The following TBC1D22A variants were observed in gnomAD, a reference collection of about 807,000 sequenced individuals.
TBC1D22A encodes putative GTPase activator.
A neutral mutation model predicts 60.2 loss-of-function variants in TBC1D22A; 38 were observed. That is an observed-to-expected ratio of 0.63 (90% CI 0.49 to 0.83). The LOEUF is 0.83. Among genes scored for constraint, TBC1D22A ranks in the 40% least tolerant of loss-of-function variants. TBC1D22A has a pLI of 0.00. For missense variants in TBC1D22A, 628 were observed against 701.0 expected, an observed-to-expected ratio of 0.90 and a Z score of 1.18; for synonymous variants, 302 against 281.7, an observed-to-expected ratio of 1.07 and a Z score of -0.72.
rs11913361 is a variant in TBC1D22A at position 46,880,608 on chromosome 22, G to T, written c.708+1885G>T. On this transcript the variant is annotated intron_variant, in intron 5 of 12. Coordinates refer to ENST00000337137, the MANE Select transcript of TBC1D22A (RefSeq NM_014346.5). ...GGAGGTCGGGTGCTGCAGACTTGTGGTGGGACAGTGGTGGTGGAGGCCAGA... is the reference window on the plus strand; with the variant it reads ...GGAGGTCGGGTGCTGCAGACTTGTGTTGGGACAGTGGTGGTGGAGGCCAGA... 4.3e-3 allele frequency among the ~76,000 whole-genome samples: 656 copies of T among 152,266 alleles called. 5 individuals are homozygous for T. Among genetic ancestry groups the T allele is most frequent in the African/African-American group, 0.015 (622 of 41,528 alleles).
chr22:47,103,302 G>A (rs891529847), intron 11 of TBC1D22A, among the ~76,000 whole-genome samples: 1 of 152,206 alleles, frequency 6.6e-6, no homozygotes, highest in Admixed American at 6.5e-5. Flanking sequence ...CATGTGCCGC[G>A]GAGACATGGC....
intron 12 of TBC1D22A, among the ~76,000 whole-genome samples, chr22:47,171,249 G>A (rs1171472782): frequency 3.9e-5 from 6 of 152,322 alleles, no homozygotes; most frequent in Admixed American, 2.0e-4. Context: ...GCTGGGCTGC[G>A]TTTTCTCGAG....
rs573607101 is a variant in TBC1D22A at position 47,141,659 on chromosome 22, C to A, written c.1425+30056C>A. ...CACTCTGAAGCAGGGCACCATGATT[C>A]TGTAAGGAAATGAGATTTGAGCCAC... On this transcript the variant is annotated intron_variant, in intron 12 of 12. Coordinates refer to ENST00000337137, the MANE Select transcript of TBC1D22A (RefSeq NM_014346.5). Among the ~76,000 whole-genome samples the A allele has an allele frequency of 7.2e-5, 11 of 152,318 alleles. No individual in the cohort carries two copies. The South Asian group carries it at 1.0e-3, about 14-fold the overall frequency.
chr22:46,790,921 C>G (rs191212038), intron 1 of TBC1D22A, among the ~76,000 whole-genome samples: 1 of 152,246 alleles, frequency 6.6e-6, no homozygotes, highest in East Asian at 1.9e-4. Flanking sequence ...TTTGTAATCA[C>G]TATATTATTT....
chr22:46,946,181 C>G lies in TBC1D22A; in HGVS notation c.1016-28109C>G, dbSNP rs187307039. Among the ~76,000 whole-genome samples, 368 of 152,328 alleles carry G rather than the reference C, an allele frequency of 2.4e-3. 2 individuals are homozygous for G. The highest frequency in any genetic ancestry group is 8.4e-3 in the African/African-American group (349 of 41,572). On this transcript the variant is annotated intron_variant, in intron 8 of 12. Coordinates refer to ENST00000337137, the MANE Select transcript of TBC1D22A (RefSeq NM_014346.5). The stretch of plus-strand genomic sequence containing the variant: ...TCTCTTCCGGACGGGCCAGCATAAG[C>G]TTGTGCACCGTAGGAGCTGCTGGCC...
chr22:47,061,189 C>T (rs946300694), intron 11 of TBC1D22A, among the ~76,000 whole-genome samples: 4 of 151,572 alleles, frequency 2.6e-5, no homozygotes, highest in African/African-American at 9.7e-5. Context: ...GGTTGAGCCA[C>T]GCTGTCTTCC....
At chr22:46,900,770 A>C (rs564109188) in intron 7 of TBC1D22A, among the ~76,000 whole-genome samples, 6 of 152,192 alleles carry the variant, frequency 3.9e-5, no homozygotes, top group African/African-American at 1.4e-4. Context: ...GCCGTACCAC[A>C]GTGTGTCTGT....
intron 1 of TBC1D22A, among the ~76,000 whole-genome samples, chr22:46,786,652 T>G (rs1298444619): frequency 6.6e-6 from 1 of 152,210 alleles, no homozygotes; most frequent in Admixed American, 6.5e-5. Flanking sequence ...CTTTTCTTTG[T>G]GCGTAGTGTT....
intron 4 of TBC1D22A, among the ~76,000 whole-genome samples, chr22:46,867,961 A>G (rs2067133788): frequency 6.6e-6 from 1 of 152,210 alleles, no homozygotes; most frequent in South Asian, 2.1e-4. Context: ...ACAAAAACCA[A>G]AAAGCAAAAA....
intron 9 of TBC1D22A, among the ~76,000 whole-genome samples, chr22:46,986,985 G>A (rs59594527): frequency 0.015 from 2,357 of 152,296 alleles, 56 homozygotes; most frequent in African/African-American, 0.054. Context: ...GTAGGACTTT[G>A]GGTTGGATCG....
chr22:46,831,463 C>G (rs1023103078), intron 4 of TBC1D22A, among the ~76,000 whole-genome samples: 2 of 152,170 alleles, frequency 1.3e-5, no homozygotes, highest in African/African-American at 4.8e-5. Flanking sequence ...TGTTCCTTCT[C>G]AAGTAGGACC....
At chr22:46,969,146 G>A (rs1444728243) in intron 8 of TBC1D22A, among the ~76,000 whole-genome samples, 1 of 152,068 alleles carries the variant, frequency 6.6e-6, no homozygotes, top group Non-Finnish European at 1.5e-5. Flanking sequence ...GGGATCTTCT[G>A]CTCTAGGGGT....
intron 4 of TBC1D22A, among the ~76,000 whole-genome samples, chr22:46,870,620 G>A (rs1205633556): frequency 6.6e-6 from 1 of 152,082 alleles, no homozygotes; most frequent in Non-Finnish European, 1.5e-5. Flanking sequence ...GAATACCACA[G>A]AGTGGATAAT....
intron 11 of TBC1D22A, among the ~76,000 whole-genome samples, chr22:47,080,845 G>A (rs558074030): frequency 6.6e-5 from 10 of 152,174 alleles, no homozygotes; most frequent in East Asian, 1.9e-4. Context: ...CATCTTGGCC[G>A]GGCATGGTGG....
At chr22:46,910,316 C>T (rs1004158884) in intron 7 of TBC1D22A, among the ~76,000 whole-genome samples, 1 of 152,034 alleles carries the variant, frequency 6.6e-6, no homozygotes, top group African/African-American at 2.4e-5. Context: ...AGAGACTTCA[C>T]CTGTCGGTCC....
chr22:46,979,398 G>A (rs887921944), intron 9 of TBC1D22A, among the ~76,000 whole-genome samples: 2 of 152,176 alleles, frequency 1.3e-5, no homozygotes, highest in African/African-American at 2.4e-5. Flanking sequence ...AGAGACCCGC[G>A]TTTGAATAAC....
intron 4 of TBC1D22A, among the ~76,000 whole-genome samples, chr22:46,803,888 C>G (rs6007967): frequency 0.032 from 4,809 of 152,310 alleles, 238 homozygotes; most frequent in African/African-American, 0.1. Context: ...TGGCCCTGCT[C>G]TGTCCTCAAG....
At chr22:46,996,403 A>G (rs574336754) in intron 9 of TBC1D22A, among the ~76,000 whole-genome samples, 1 of 152,384 alleles carries the variant, frequency 6.6e-6, no homozygotes, top group South Asian at 2.1e-4. Flanking sequence ...AGCGTAGGCC[A>G]GAACCCACAG....
intron 11 of TBC1D22A, among the ~76,000 whole-genome samples, chr22:47,090,839 G>A (rs959487437): frequency 8.9e-6 from 1 of 112,778 alleles, no homozygotes; most frequent in East Asian, 3.1e-4. Flanking sequence ...AGACGGGCAC[G>A]AGAAGTCGTC....
Sources: gnomAD v4.1 joint callset for allele counts (sites outside exome capture counted in the v4.1 genomes callset) on GRCh38, gnomAD v4.1.1 for gene constraint, MANE v1.5 for transcripts, NCBI Gene and HGNC (gene_info 2026-07-23, HGNC 2026-07-21) for gene names.